The following ARSG variants were observed in gnomAD, a reference collection of about 807,000 sequenced individuals.
ARSG encodes the protein arylsulfatase G.
A neutral mutation model predicts 50.5 loss-of-function variants in ARSG; 37 were observed. The observed-to-expected ratio is 0.73, with a 90% CI of 0.56 to 0.96. The LOEUF (loss-of-function observed/expected upper bound fraction) is 0.96. Among genes scored for constraint, ARSG ranks in the 50% least tolerant of loss-of-function variants. ARSG has a pLI of 0.00. For missense variants in ARSG, 629 were observed against 675.3 expected (o/e 0.93, Z 0.76); for synonymous variants, 225 against 254.6 (o/e 0.88, Z 1.11).
intron 9 of ARSG, 104 bp downstream of exon 9, chr17:68,385,276 G>A: frequency 1.1e-6 from 1 of 947,844 alleles, no homozygotes; most frequent in Non-Finnish European, 1.7e-6. Flanking sequence ...GGAGGCATGG[G>A]TGGCTAGAGG....
intron 2 of ARSG, among the ~76,000 whole-genome samples, chr17:68,339,498 T>C (rs1047578754): frequency 1.3e-5 from 2 of 152,162 alleles, no homozygotes; most frequent in South Asian, 4.1e-4. Context: ...CAATCAAGGA[T>C]CACATGTTAC....
intron 8 of ARSG, 43 bp downstream of exon 8, chr17:68,370,567 G>A (rs1191110606): frequency 6.3e-7 from 1 of 1,581,882 alleles, no homozygotes; most frequent in African/African-American, 1.4e-5. Flanking sequence ...TTGCAATGCT[G>A]AGCCCAGGCT....
rs774988063 is a variant in ARSG at position 68,356,798 on chromosome 17, G to A, written c.698G>A (p.Arg233His). The change falls in exon 6 of 12, where the codon CGT (arginine) becomes CAT (histidine). Residue 233 changes from arginine to histidine, a missense_variant. Physicochemically the swap from Arg to His is conservative, Grantham distance 29. Transcript: ENST00000621439. ...YAEKATQFIQ[R>H]ASTSGRPFLL... ...GAGAAAGCAACCCAGTTCATCCAGCGTGCAAGGTGAGGAGTCTCCCTCCCT... is the reference window on the plus strand; with the variant it reads ...GAGAAAGCAACCCAGTTCATCCAGCATGCAAGGTGAGGAGTCTCCCTCCCT... 1.2e-5 allele frequency: 20 copies of A among 1,614,032 alleles called. No individual in the cohort carries two copies. In the Middle Eastern group the frequency reaches 4.9e-4, roughly 40 times the overall value.
At chr17:68,287,521 GT>G (rs1310513266), upstream of ARSG, among the ~76,000 whole-genome samples, 1 of 151,962 alleles carries the variant, frequency 6.6e-6, no homozygotes, top group Non-Finnish European at 1.5e-5. Flanking sequence ...TAATTCCTTA[GT>G]TTTTTTAAAA....
the ARSG span, among the ~76,000 whole-genome samples, chr17:68,433,917 G>A: frequency 6.6e-6 from 1 of 151,502 alleles, no homozygotes; most frequent in African/African-American, 2.4e-5. Flanking sequence ...CAAGTAGCTG[G>A]GATTACAGGC....
intron 11 of ARSG, among the ~76,000 whole-genome samples, chr17:68,416,095 CT>C (rs2082351414): frequency 6.6e-6 from 1 of 151,920 alleles, no homozygotes; most frequent in African/African-American, 2.4e-5. Context: ...TTTGTTTTTG[CT>C]TTTCAAATTG....
chr17:68,448,041 T>G, the ARSG span, among the ~76,000 whole-genome samples: 3 of 148,342 alleles, frequency 2.0e-5, no homozygotes, highest in Non-Finnish European at 4.5e-5. Context: ...TAACACCTTA[T>G]CCAAATCTTT....
intron 1 of ARSG, among the ~76,000 whole-genome samples, chr17:68,277,454 G>C (rs1219623110): frequency 6.6e-6 from 1 of 151,818 alleles, no homozygotes; most frequent in Non-Finnish European, 1.5e-5. Flanking sequence ...TTTTGAGATG[G>C]TGTCTCGCTC....
At chr17:68,298,292 A>G (rs2076281484) in intron 1 of ARSG, among the ~76,000 whole-genome samples, 1 of 152,082 alleles carries the variant, frequency 6.6e-6, no homozygotes, top group Non-Finnish European at 1.5e-5. Flanking sequence ...TGGGGTGCTC[A>G]GGATGCCATA....
At chr17:68,427,003 T>A (rs2083238101), downstream of ARSG, 1 of 715,208 alleles carries the variant, frequency 1.4e-6, no homozygotes, top group Non-Finnish European at 2.4e-6. Context: ...CAGGTAACAG[T>A]GAAGGGGGAA....
At chr17:68,379,734 T>A (rs12601974) in intron 8 of ARSG, 52,621 of 757,918 alleles carry the variant, frequency 0.069, 2,747 homozygotes, top group African/African-American at 0.22. Context: ...GAATTCAATA[T>A]GCTGGAGAGA....
the ARSG span, chr17:68,450,683 C>A: frequency 6.4e-7 from 1 of 1,557,716 alleles, no homozygotes; most frequent in Non-Finnish European, 8.7e-7. Context: ...TTGTTTGGCT[C>A]CCGTTAGCAG....
chr17:68,444,022 C>T, the ARSG span, among the ~76,000 whole-genome samples: 8 of 152,288 alleles, frequency 5.3e-5, no homozygotes, highest in African/African-American at 1.4e-4. Context: ...AGCATATCGT[C>T]GAAGTAGAGA....
At chr17:68,360,333 C>T (rs1375685781) in intron 6 of ARSG, among the ~76,000 whole-genome samples, 1 of 152,218 alleles carries the variant, frequency 6.6e-6, no homozygotes, top group Non-Finnish European at 1.5e-5. Flanking sequence ...CCCTCAGGTC[C>T]ATGCCCTTCC....
chr17:68,410,900 T>C (rs1271596567), intron 11 of ARSG, among the ~76,000 whole-genome samples: 1 of 152,216 alleles, frequency 6.6e-6, no homozygotes, highest in Admixed American at 6.5e-5. Flanking sequence ...GATTTTCTAG[T>C]TTATTTGCAT....
chr17:68,389,059 C>G (rs1341885718), intron 9 of ARSG, among the ~76,000 whole-genome samples: 4 of 152,182 alleles, frequency 2.6e-5, no homozygotes, highest in African/African-American at 9.7e-5. Context: ...CTGGCCTGTC[C>G]GAAGGCACCG....
chr17:68,366,860 A>G (rs1473654526), intron 6 of ARSG, among the ~76,000 whole-genome samples: 2 of 152,142 alleles, frequency 1.3e-5, no homozygotes, highest in Admixed American at 6.5e-5. Context: ...ATTTTTTCTA[A>G]CTGAAACTGT....
intron 9 of ARSG, among the ~76,000 whole-genome samples, chr17:68,387,733 G>A (rs115627524): frequency 0.017 from 2,609 of 152,298 alleles, 87 homozygotes; most frequent in African/African-American, 0.06. Flanking sequence ...ATTGCTTGAG[G>A]AATATAGATC....
At chr17:68,316,084 CCTCACATT>C (rs2077058897) in intron 2 of ARSG, among the ~76,000 whole-genome samples, 1 of 152,198 alleles carries the variant, frequency 6.6e-6, no homozygotes, top group African/African-American at 2.4e-5. Flanking sequence ...TCCTCATGTT[CCTCACATT>C]GCACATGTTT....
Sources: allele counts gnomAD v4.1 joint callset (sites outside exome capture counted in the v4.1 genomes callset), GRCh38; gene constraint gnomAD v4.1.1; transcripts MANE v1.5; gene names NCBI Gene and HGNC (gene_info 2026-07-23, HGNC 2026-07-21).